The following ZMYM2 variants were observed in gnomAD, a reference collection of about 807,000 sequenced individuals.
ZMYM2 encodes the protein zinc finger MYM-type containing 2.
In ZMYM2, 56 loss-of-function variants were observed where a neutral mutation model predicts 162.8. That is an observed-to-expected ratio of 0.34 (90% CI 0.28 to 0.43). The LOEUF is 0.43. Among genes scored for constraint, ZMYM2 ranks in the 20% least tolerant of loss-of-function variants. The pLI, the probability that ZMYM2 is intolerant of heterozygous loss-of-function variation, is 1.00. For synonymous variants in ZMYM2, 510 were observed against 541.6 expected (o/e 0.94, Z 0.81); for missense variants, 1,275 against 1,621.8 (o/e 0.79, Z 3.67).
At chr13:19,891,059 T>TC in the ZMYM2 span, among the ~76,000 whole-genome samples, 2,365 of 151,870 alleles carry the variant, frequency 0.016, 67 homozygotes, top group African/African-American at 0.042. Flanking sequence ...GGATTGTATC[T>TC]CCCCCAAAAT....
intron 12 of ZMYM2, among the ~76,000 whole-genome samples, chr13:20,037,735 C>T (rs1371746489): frequency 6.6e-6 from 1 of 151,994 alleles, no homozygotes; most frequent in Non-Finnish European, 1.5e-5. Context: ...TCATACTAAA[C>T]CCACTTTAAA....
intron 21 of ZMYM2, among the ~76,000 whole-genome samples, chr13:20,078,817 ATAT>A (rs908443159): frequency 1.9e-4 from 29 of 152,156 alleles, no homozygotes; most frequent in African/African-American, 7.0e-4. Context: ...GTTAAGTAAA[ATAT>A]TATACTTTTT....
chr13:20,049,967 C>T (rs1955167244), intron 12 of ZMYM2, among the ~76,000 whole-genome samples: 1 of 151,894 alleles, frequency 6.6e-6, no homozygotes, highest in South Asian at 2.1e-4. Context: ...AACCCTGGAA[C>T]AATTCTATGG....
intron 6 of ZMYM2, among the ~76,000 whole-genome samples, chr13:20,012,919 A>G (rs1053295070): frequency 6.6e-6 from 1 of 152,106 alleles, no homozygotes; most frequent in Admixed American, 6.5e-5. Context: ...TTTTTTGTCA[A>G]GATTGTTTGA....
upstream of ZMYM2, among the ~76,000 whole-genome samples, chr13:19,957,652 A>G (rs1010573238): frequency 3.9e-5 from 6 of 152,082 alleles, no homozygotes; most frequent in African/African-American, 1.4e-4. Flanking sequence ...GGGAGCCTCC[A>G]TGGAGTCTCC....
chr13:20,038,164 A>T (rs1302337706), intron 12 of ZMYM2, among the ~76,000 whole-genome samples: 1 of 152,178 alleles, frequency 6.6e-6, no homozygotes, highest in Non-Finnish European at 1.5e-5. Context: ...GTATATATGA[A>T]CCACATTTTC....
the ZMYM2 span, among the ~76,000 whole-genome samples, chr13:19,949,779 T>C: frequency 6.7e-6 from 1 of 148,362 alleles, no homozygotes; most frequent in Non-Finnish European, 1.5e-5. Context: ...CCCAGCTACT[T>C]GGGAGGCTGA....
intron 12 of ZMYM2, among the ~76,000 whole-genome samples, chr13:20,049,606 AGG>A (rs1358796027): frequency 1.3e-5 from 2 of 152,048 alleles, no homozygotes; most frequent in African/African-American, 2.4e-5. Flanking sequence ...TTTATTGCTT[AGG>A]GTACAGGCTA....
intron 2 of ZMYM2, among the ~76,000 whole-genome samples, chr13:19,971,052 T>C (rs1956268698): frequency 6.6e-6 from 1 of 151,808 alleles, no homozygotes; most frequent in Non-Finnish European, 1.5e-5. Flanking sequence ...TGAAGCTTAA[T>C]GAGCAAGGTG....
At chr13:20,041,106 A>G (rs1324781409) in intron 12 of ZMYM2, among the ~76,000 whole-genome samples, 12 of 152,098 alleles carry the variant, frequency 7.9e-5, no homozygotes, top group Admixed American at 7.9e-4. Flanking sequence ...ATTTGATTCT[A>G]TGCTGAGTTC....
the ZMYM2 span, among the ~76,000 whole-genome samples, chr13:19,880,920 G>T: frequency 3.3e-5 from 5 of 149,954 alleles, no homozygotes; most frequent in African/African-American, 1.2e-4. Flanking sequence ...AGACAGTCTC[G>T]CTTCATTACC....
chr13:19,930,128 C>T, the ZMYM2 span, among the ~76,000 whole-genome samples: 5 of 152,008 alleles, frequency 3.3e-5, no homozygotes, highest in Non-Finnish European at 5.9e-5. Flanking sequence ...TTGTCAGGCA[C>T]GGTGGCTCAC....
the ZMYM2 span, among the ~76,000 whole-genome samples, chr13:19,943,882 G>A: frequency 6.6e-6 from 1 of 152,126 alleles, no homozygotes; most frequent in Non-Finnish European, 1.5e-5. Flanking sequence ...TCGCACAAAG[G>A]CAGTCTGTTA....
At chr13:20,009,565 A>AT (rs201882641) in intron 6 of ZMYM2, among the ~76,000 whole-genome samples, 1,847 of 152,050 alleles carry the variant, frequency 0.012, 48 homozygotes, top group African/African-American at 0.042. Context: ...AATAACTCCC[A>AT]TTTTTTTCTA....
chr13:20,077,433 T>C (rs139311165), intron 21 of ZMYM2, among the ~76,000 whole-genome samples: 2 of 150,650 alleles, frequency 1.3e-5, no homozygotes, highest in East Asian at 3.9e-4. Context: ...TATGTTCCAC[T>C]GAAAGAGTTG....
At chr13:19,978,254 CAG>C (rs1486285634) in intron 2 of ZMYM2, among the ~76,000 whole-genome samples, 1 of 152,108 alleles carries the variant, frequency 6.6e-6, no homozygotes, top group Non-Finnish European at 1.5e-5. Flanking sequence ...AACCACCAAA[CAG>C]AAGACTAAAT....
the ZMYM2 span, among the ~76,000 whole-genome samples, chr13:19,943,170 G>T: frequency 6.6e-6 from 1 of 151,996 alleles, no homozygotes; most frequent in African/African-American, 2.4e-5. Flanking sequence ...CAGTCATATG[G>T]CCGTCTTCTC....
chr13:20,067,123 G>T, intron 20 of ZMYM2, 104 bp downstream of exon 20: 1 of 1,380,164 alleles, frequency 7.2e-7, no homozygotes, highest in Non-Finnish European at 9.6e-7. Context: ...TAAAATACCT[G>T]TAAGAATGCA....
the ZMYM2 span, among the ~76,000 whole-genome samples, chr13:19,872,721 A>T: frequency 6.6e-6 from 1 of 152,096 alleles, no homozygotes; most frequent in Non-Finnish European, 1.5e-5. Flanking sequence ...TTTATAGACC[A>T]GGCGCGGTTG....
Sources: allele counts gnomAD v4.1 joint callset (sites outside exome capture counted in the v4.1 genomes callset), GRCh38; gene constraint gnomAD v4.1.1; transcripts MANE v1.5; gene names NCBI Gene and HGNC (gene_info 2026-07-23, HGNC 2026-07-21).